The following MBD5 variants were observed in gnomAD, a reference collection of about 807,000 sequenced individuals.
The protein encoded by MBD5 is methyl-CpG-binding domain protein 5.
MBD5 carries 13 observed loss-of-function variants against 117.3 expected under a neutral mutation model. The observed-to-expected ratio is 0.11, with a 90% CI of 0.07 to 0.18. MBD5 has a LOEUF of 0.18. MBD5 is among the 10% of genes least tolerant of loss of function. The pLI is 1.00. For missense variants in MBD5, 1,879 were observed against 2,093.8 expected, an observed-to-expected ratio of 0.90 and a Z score of 2.00; for synonymous variants, 727 against 766.4, an observed-to-expected ratio of 0.95 and a Z score of 0.85.
At chr2:148,308,210 T>A (rs1701940339) in intron 3 of MBD5, among the ~76,000 whole-genome samples, 1 of 152,188 alleles carries the variant, frequency 6.6e-6, no homozygotes. Flanking sequence ...CCTTGAGGAA[T>A]CACCACACTG....
chr2:148,487,331 G>T (rs1681370426), intron 10 of MBD5, among the ~76,000 whole-genome samples: 2 of 152,098 alleles, frequency 1.3e-5, no homozygotes, highest in South Asian at 4.2e-4. Context: ...TCCCATTTAG[G>T]TTGAAAGAAA....
rs746075256 is a variant in MBD5, at chr2:148,458,839, T to G, written c.81T>G (p.Arg27=). Reference sequence around the variant, plus strand: ...TACAAGTTCCTGTGGGTTGGCAGCGTCGTGTGGATCAAAATGGAGTGCTTT... The same window carrying G: ...TACAAGTTCCTGTGGGTTGGCAGCGGCGTGTGGATCAAAATGGAGTGCTTT... ...PAIQVPVGWQ[R]RVDQNGVLYV... is the part of the protein sequence containing the mutation. Residue 27 remains arginine (R), a synonymous_variant, in exon 5 of 14, where the codon CGT becomes CGG. Transcript: ENST00000642680. 1.1e-5 allele frequency: 18 copies of G among 1,613,608 alleles called. No individual in the cohort carries two copies. The South Asian group carries it at 2.0e-4, about 18-fold the overall frequency.
chr2:148,387,646 T>C (rs1293240637), intron 4 of MBD5, among the ~76,000 whole-genome samples: 1 of 152,042 alleles, frequency 6.6e-6, no homozygotes, highest in African/African-American at 2.4e-5. Context: ...AATAAATAAT[T>C]AGAAATAATA....
At chr2:148,384,557 A>G (rs1378488360) in intron 4 of MBD5, among the ~76,000 whole-genome samples, 1 of 152,228 alleles carries the variant, frequency 6.6e-6, no homozygotes, top group East Asian at 1.9e-4. Flanking sequence ...TATAGATTCA[A>G]TGCCATCCCC....
chr2:148,129,427 C>A (rs943164443), intron 1 of MBD5, among the ~76,000 whole-genome samples: 2 of 151,928 alleles, frequency 1.3e-5, no homozygotes, highest in Non-Finnish European at 2.9e-5. Flanking sequence ...ACCAGGGAGG[C>A]GGAGGTTGCA....
At chr2:148,466,632 T>C (rs1707268635) in intron 7 of MBD5, among the ~76,000 whole-genome samples, 1 of 152,168 alleles carries the variant, frequency 6.6e-6, no homozygotes, top group African/African-American at 2.4e-5. Context: ...TTTCATTTTG[T>C]TCCTTTAATT....
rs373316377 is a variant in MBD5, at chr2:148,493,916, C to T, written c.4962+3322C>T. Among the ~76,000 whole-genome samples the T allele has an allele frequency of 1.4e-4, 21 of 152,294 alleles. No homozygotes were observed. In the East Asian group the frequency reaches 3.7e-3, roughly 27 times the overall value. On this transcript the variant is annotated intron_variant, in intron 11 of 13. Coordinates refer to ENST00000642680, the MANE Select transcript of MBD5 (RefSeq NM_001378120.1). ...CACTCTGATGTGAGCCTAATCTTAG[C>T]TCTGCCAGTTACCTAAGTGGTCATA...
chr2:148,350,599 G>A (rs1435868784), intron 4 of MBD5, among the ~76,000 whole-genome samples: 1 of 151,992 alleles, frequency 6.6e-6, no homozygotes, highest in Non-Finnish European at 1.5e-5. Context: ...AGTTTAGAAT[G>A]CAATGGTCTC....
chr2:148,421,180 T>C (rs1022713810), intron 4 of MBD5, among the ~76,000 whole-genome samples: 4 of 152,300 alleles, frequency 2.6e-5, no homozygotes, highest in Admixed American at 6.5e-5. Context: ...CCCAGCAAGA[T>C]TGACGCATAA....
At chr2:148,426,338 C>T (rs991705403) in intron 4 of MBD5, among the ~76,000 whole-genome samples, 9 of 152,016 alleles carry the variant, frequency 5.9e-5, no homozygotes, top group Admixed American at 5.9e-4. Context: ...GAGCCCGCAT[C>T]GCAAAGTCAA....
At chr2:148,353,829 C>T (rs1703305184) in intron 4 of MBD5, among the ~76,000 whole-genome samples, 1 of 152,124 alleles carries the variant, frequency 6.6e-6, no homozygotes, top group South Asian at 2.1e-4. Flanking sequence ...GATCTGCCCA[C>T]CTCAGCCTCC....
chr2:148,468,996 A>T lies in MBD5; in HGVS notation c.1053A>T (p.Leu351Phe). Residue 351 changes from leucine (L) to phenylalanine (F), a missense_variant, in exon 8 of 14, where the codon TTA (leucine) becomes TTT (phenylalanine). Physicochemically the swap from Leu to Phe is conservative, Grantham distance 22. This residue lies in a region of MBD5 where 1,666 missense variants were observed against 1,792.2 expected (regional missense o/e 0.93). Coordinates refer to ENST00000642680, the MANE Select transcript of MBD5 (RefSeq NM_001378120.1). Reference protein sequence around the residue: ...PPSCALQKKPLTSEKDPLGIL... With the variant: ...PPSCALQKKPFTSEKDPLGIL... ...CTTGTGCTCTTCAGAAAAAGCCATT[A>T]ACATCTGAGAAAGATCCACTTGGCA... 1.2e-6 allele frequency: 2 copies of T among 1,613,758 alleles called. No homozygotes were observed. The highest frequency in any genetic ancestry group is 2.2e-5 in the South Asian group (2 of 91,064).
At chr2:148,406,411 A>G (rs1705079000) in intron 4 of MBD5, among the ~76,000 whole-genome samples, 2 of 152,208 alleles carry the variant, frequency 1.3e-5, no homozygotes, top group Non-Finnish European at 2.9e-5. Flanking sequence ...AGGGACAGCT[A>G]TGAAGAAGGC....
intron 1 of MBD5, among the ~76,000 whole-genome samples, chr2:148,102,967 A>G (rs1696270664): frequency 6.6e-6 from 1 of 152,306 alleles, no homozygotes; most frequent in East Asian, 1.9e-4. Flanking sequence ...ATAATTTATT[A>G]TATGTTGTAC....
chr2:148,376,473 C>T (rs963826270), intron 4 of MBD5, among the ~76,000 whole-genome samples: 5 of 150,246 alleles, frequency 3.3e-5, no homozygotes, highest in Non-Finnish European at 7.4e-5. Flanking sequence ...TTCACTGTGT[C>T]AGCCAGGATG....
chr2:148,358,351 G>A (rs375988495), intron 4 of MBD5, among the ~76,000 whole-genome samples: 3 of 152,192 alleles, frequency 2.0e-5, no homozygotes, highest in Admixed American at 2.0e-4. Flanking sequence ...AGGTAATAGG[G>A]CTACTTATTA....
chr2:148,436,317 A>G (rs949623957), intron 4 of MBD5, among the ~76,000 whole-genome samples: 2 of 152,154 alleles, frequency 1.3e-5, no homozygotes, highest in Non-Finnish European at 2.9e-5. Context: ...TGAAGAAATA[A>G]AAAACATCTT....
At position 148,299,944 on chromosome 2, in the gene MBD5, C is replaced by T. The variant is rs543298834; in HGVS notation, c.-679-42270C>T. On this transcript the variant is annotated intron_variant, in intron 3 of 13. Coordinates refer to ENST00000642680, the MANE Select transcript of MBD5 (RefSeq NM_001378120.1). ...TAAGCAGACCATCTATTTTATGTGT[C>T]AGTGCTTTTGCTTTCACAGATATTT... Among the ~76,000 whole-genome samples the T allele has an allele frequency of 7.2e-4, 109 of 152,300 alleles. 1 individual carries two copies. Among genetic ancestry groups the T allele is most frequent in the Admixed American group, 1.2e-3 (18 of 15,296 alleles).
At chr2:148,022,674 T>A (rs1032825669) in intron 1 of MBD5, among the ~76,000 whole-genome samples, 6 of 152,172 alleles carry the variant, frequency 3.9e-5, no homozygotes, top group Non-Finnish European at 8.8e-5. Context: ...GAGTTTTTCA[T>A]CTCAATTTCT....
Sources: gnomAD v4.1 joint callset for allele counts (sites outside exome capture counted in the v4.1 genomes callset) on GRCh38, gnomAD v4.1.1 for gene constraint, gnomAD v4.1.1 regional missense constraint, MANE v1.5 for transcripts, NCBI Gene and HGNC (gene_info 2026-07-23, HGNC 2026-07-21) for gene names.